KLF13: variants seen among roughly 807,000 people sequenced by gnomAD.
KLF13 encodes KLF transcription factor 13.
Under a neutral mutation model 16.7 loss-of-function variants are expected in KLF13, and 8 were observed. That is an observed-to-expected ratio of 0.48 (90% CI 0.28 to 0.87). KLF13 has a LOEUF of 0.87. Among genes scored for constraint, KLF13 ranks in the 40% least tolerant of loss-of-function variants. KLF13 has a pLI of 0.10. For missense variants in KLF13, 447 were observed against 452.2 expected (o/e 0.99, Z 0.10); for synonymous variants, 245 against 208.4 (o/e 1.18, Z -1.51).
chr15:31,420,973 A>G (rs1055934694), intron 1 of KLF13, among the ~76,000 whole-genome samples: 17 of 152,124 alleles, frequency 1.1e-4, no homozygotes, highest in African/African-American at 4.1e-4. Context: ...GATTACAGGC[A>G]TGAGCCACCA....
intron 1 of KLF13, among the ~76,000 whole-genome samples, chr15:31,426,979 A>C (rs1469255876): frequency 6.6e-6 from 1 of 152,200 alleles, no homozygotes; most frequent in Non-Finnish European, 1.5e-5. Context: ...TTTGGAGTCC[A>C]GGACTTATGC....
At chr15:31,364,697 C>T (rs1160583214) in intron 1 of KLF13, among the ~76,000 whole-genome samples, 2 of 152,244 alleles carry the variant, frequency 1.3e-5, no homozygotes, top group Non-Finnish European at 2.9e-5. Context: ...GTTCCAGCTG[C>T]GGCTCTAGCT....
rs190310724 is a variant in KLF13, at chr15:31,427,109, A to G, written n.118-8261A>G. ...ACCCTATTGGCTTTCAGGAGTCTCCAGCTTGCAGACAGCCTATTGTGGGAC... is the reference window on the plus strand; with the variant it reads ...ACCCTATTGGCTTTCAGGAGTCTCCGGCTTGCAGACAGCCTATTGTGGGAC... On this transcript the variant is annotated intron_variant and non_coding_transcript_variant, in intron 1 of 1. Coordinates refer to the KLF13 transcript ENST00000558225. Among the ~76,000 whole-genome samples, 14 of 152,316 alleles carry G rather than the reference A, an allele frequency of 9.2e-5. No homozygotes were observed. In the East Asian group the frequency reaches 2.7e-3, roughly 29 times the overall value.
chr15:31,344,215 C>T (rs1488336415), intron 1 of KLF13, among the ~76,000 whole-genome samples: 1 of 152,226 alleles, frequency 6.6e-6, no homozygotes, highest in Non-Finnish European at 1.5e-5. Context: ...CATCTCTGTG[C>T]AGATGCAGAC....
chr15:31,358,141 C>T (rs555904745), intron 1 of KLF13, among the ~76,000 whole-genome samples: 1 of 152,282 alleles, frequency 6.6e-6, no homozygotes, highest in Non-Finnish European at 1.5e-5. Context: ...CCAGCATCTC[C>T]TTTGTTCTTG....
upstream of KLF13, among the ~76,000 whole-genome samples, chr15:31,389,494 T>G (rs1240655826): frequency 6.6e-6 from 1 of 152,340 alleles, no homozygotes; most frequent in East Asian, 1.9e-4. Context: ...CCTCTGCACC[T>G]TCTCCCTCCT....
chr15:31,355,566 C>T (rs2039287076), intron 1 of KLF13, among the ~76,000 whole-genome samples: 1 of 152,078 alleles, frequency 6.6e-6, no homozygotes, highest in Non-Finnish European at 1.5e-5. Context: ...CGATAACGTG[C>T]TCATAGGGGC....
chr15:31,408,110 T>A (rs2040149583), downstream of KLF13, among the ~76,000 whole-genome samples: 1 of 152,114 alleles, frequency 6.6e-6, no homozygotes, highest in African/African-American at 2.4e-5. Context: ...AAATGGTACA[T>A]CTGGAAAACC....
chr15:31,398,103 A>G (rs1159416344), intron 2 of KLF13, among the ~76,000 whole-genome samples: 2 of 152,156 alleles, frequency 1.3e-5, no homozygotes, highest in African/African-American at 4.8e-5. Context: ...GTTACCCAGT[A>G]ATTTACCTGA....
chr15:31,353,701 G>C (rs922783815), intron 1 of KLF13, among the ~76,000 whole-genome samples: 5 of 152,212 alleles, frequency 3.3e-5, no homozygotes, highest in Non-Finnish European at 5.9e-5. Flanking sequence ...TGCTGGGAAG[G>C]GGGGCTGTGG....
chr15:31,349,385 A>C (rs1434996026), intron 1 of KLF13, among the ~76,000 whole-genome samples: 1 of 152,228 alleles, frequency 6.6e-6, no homozygotes, highest in African/African-American at 2.4e-5. Flanking sequence ...GCTGGGCCAC[A>C]TGGGAGGCGG....
At chr15:31,389,162 G>A (rs2039830474), upstream of KLF13, among the ~76,000 whole-genome samples, 1 of 152,004 alleles carries the variant, frequency 6.6e-6, no homozygotes, top group Non-Finnish European at 1.5e-5. Flanking sequence ...CAATGAGAAT[G>A]AACGAACACC....
upstream of KLF13, among the ~76,000 whole-genome samples, chr15:31,392,024 A>T (rs968208180): frequency 6.6e-6 from 1 of 151,544 alleles, no homozygotes; most frequent in Admixed American, 6.6e-5. Flanking sequence ...CGGGCCATTC[A>T]CTGCCTCCGA....
At chr15:31,429,440 A>G (rs1329578972) in intron 1 of KLF13, among the ~76,000 whole-genome samples, 2 of 152,056 alleles carry the variant, frequency 1.3e-5, no homozygotes, top group African/African-American at 2.4e-5. Flanking sequence ...AAGAGGGGGG[A>G]ATAGTGAGTT....
Position 31,327,178 on chromosome 15 carries a change from C to T in KLF13, c.-35C>T, listed in dbSNP as rs1402491751. On this transcript the variant is annotated 5_prime_UTR_variant, in exon 1 of 2. Coordinates refer to ENST00000307145, the MANE Select transcript of KLF13 (RefSeq NM_015995.4). ...GTGCGGATGCGCGGCTGACGACTCG[C>T]AGCAAGAGCACCGCCGCCGGCCCCA... 1 of 1,293,646 alleles carries T rather than the reference C, an allele frequency of 7.7e-7. No individual in the cohort carries two copies. Among genetic ancestry groups the T allele is most frequent in the African/African-American group, 1.6e-5 (1 of 63,302 alleles). The allele number at this position is 1,293,646 out of a possible 1,614,324, so 80.1% of individuals were successfully genotyped here. A position where few individuals can be genotyped will look rare whatever the true frequency, so the allele number is the denominator to read the frequency against.
Position 31,327,196 on chromosome 15 carries a change from C to T in KLF13, c.-17C>T. ...CGACTCGCAGCAAGAGCACCGCCGCCGGCCCCAGCCCGCAGCATGGCAGCC... is the reference window on the plus strand; with the variant it reads ...CGACTCGCAGCAAGAGCACCGCCGCTGGCCCCAGCCCGCAGCATGGCAGCC... On this transcript the variant is annotated 5_prime_UTR_variant, in exon 1 of 2. Transcript: ENST00000307145. The T allele has an allele frequency of 1.5e-6, 2 of 1,317,574 alleles. No homozygotes were observed. The highest frequency in any genetic ancestry group is 1.9e-6 in the Non-Finnish European group (2 of 1,035,714). 81.6% of individuals were successfully genotyped at this position (1,317,574 alleles called of 1,614,324 possible). A position where few individuals can be genotyped will look rare whatever the true frequency, so the allele number is the denominator to read the frequency against.
At chr15:31,331,145 T>A (rs1037567279) in intron 1 of KLF13, among the ~76,000 whole-genome samples, 1 of 152,244 alleles carries the variant, frequency 6.6e-6, no homozygotes, top group Non-Finnish European at 1.5e-5. Context: ...TTTTCAAAAC[T>A]GCTCTGTGCC....
intron 1 of KLF13, among the ~76,000 whole-genome samples, chr15:31,417,457 T>C (rs1242027057): frequency 6.6e-6 from 1 of 151,788 alleles, no homozygotes; most frequent in Non-Finnish European, 1.5e-5. Context: ...ATCATGCCAC[T>C]GCACTTGAGC....
intron 1 of KLF13, among the ~76,000 whole-genome samples, chr15:31,330,760 T>C (rs951492482): frequency 6.6e-6 from 1 of 152,238 alleles, no homozygotes; most frequent in African/African-American, 2.4e-5. Flanking sequence ...TTGTTGATAT[T>C]ATAACAATGC....
Sources: allele counts gnomAD v4.1 joint callset (sites outside exome capture counted in the v4.1 genomes callset), GRCh38; gene constraint gnomAD v4.1.1; transcripts MANE v1.5; gene names NCBI Gene and HGNC (gene_info 2026-07-23, HGNC 2026-07-21).